The following JAKMIP1 variants were observed in gnomAD, a reference collection of about 807,000 sequenced individuals.
JAKMIP1 encodes janus kinase and microtubule interacting protein 1, also known as janus kinase and microtubule-interacting protein 1.
JAKMIP1 carries 33 observed loss-of-function variants against 113.0 expected under a neutral mutation model. The ratio of observed to expected loss-of-function variants is 0.29; its 90% CI spans 0.22 to 0.39. The LOEUF (loss-of-function observed/expected upper bound fraction) is 0.39, where lower values mean the gene tolerates loss of function less well. JAKMIP1 is among the 10% of genes least tolerant of loss of function. The probability of loss-of-function intolerance (pLI) is 1.00; values close to 1 mark genes in which losing one functional copy is unlikely to be tolerated. For missense variants in JAKMIP1, 813 were observed against 1,080.5 expected (o/e 0.75, Z 3.47); for synonymous variants, 480 against 459.9 (o/e 1.04, Z -0.56).
intron 3 of JAKMIP1, among the ~76,000 whole-genome samples, chr4:6,098,260 G>C (rs1290419930): frequency 6.6e-6 from 1 of 152,136 alleles, no homozygotes. Context: ...GCGAAGCCCT[G>C]TCTCTACTAA....
chr4:6,107,599 C>T (rs999008635), intron 2 of JAKMIP1, among the ~76,000 whole-genome samples: 4 of 152,240 alleles, frequency 2.6e-5, no homozygotes, highest in Admixed American at 1.3e-4. Context: ...GAAGAAGGAA[C>T]TCTGCCTCCC....
At chr4:6,071,631 T>C (rs1465694190) in intron 8 of JAKMIP1, among the ~76,000 whole-genome samples, 1 of 152,222 alleles carries the variant, frequency 6.6e-6, no homozygotes, top group African/African-American at 2.4e-5. Flanking sequence ...TGGTGTTTGC[T>C]ACCCTGGACA....
At chr4:6,079,145 C>A (rs1379944443) in intron 7 of JAKMIP1, 147 bp from the exon 8 acceptor site, 5 of 727,388 alleles carry the variant, frequency 6.9e-6, no homozygotes, top group Admixed American at 2.2e-5. Flanking sequence ...GGCTGCTTCT[C>A]TGAACTGAGA....
At chr4:6,161,746 G>A (rs1722990677) in intron 1 of JAKMIP1, among the ~76,000 whole-genome samples, 1 of 152,008 alleles carries the variant, frequency 6.6e-6, no homozygotes. Flanking sequence ...GGTTTGAAAA[G>A]GTCCACTCTG....
At chr4:6,032,420 G>A (rs1159360619) in intron 19 of JAKMIP1, among the ~76,000 whole-genome samples, 3 of 152,130 alleles carry the variant, frequency 2.0e-5, no homozygotes, top group African/African-American at 7.2e-5. Context: ...GTTCACAGTT[G>A]AGCTCTGTTG....
In JAKMIP1 at chr4:6,136,285, A is replaced by G. The variant is rs901809197; in HGVS notation, c.-147-23288T>C. 9.2e-5 allele frequency among the ~76,000 whole-genome samples: 14 copies of G among 152,248 alleles called. No homozygotes were observed. Among genetic ancestry groups the G allele is most frequent in the African/African-American group, 2.6e-4 (11 of 41,562 alleles). On this transcript the variant is annotated intron_variant, in intron 1 of 20. Coordinates refer to ENST00000409021, the MANE Select transcript of JAKMIP1 (RefSeq NM_001099433.2). This position sits in a 1 kb window ranked among gnomAD's most constrained non-coding sequence, Gnocchi z 5.9. ...TAAATAACATGTACCAAAGTGCTTGACGTCTAAATGCAGGCATCTGTGAAT... is the reference window on the plus strand; with the variant it reads ...TAAATAACATGTACCAAAGTGCTTGGCGTCTAAATGCAGGCATCTGTGAAT...
chr4:6,146,249 A>G (rs1578378969), intron 1 of JAKMIP1, among the ~76,000 whole-genome samples: 3 of 128,324 alleles, frequency 2.3e-5, no homozygotes, highest in Non-Finnish European at 3.4e-5. Context: ...TTGCGGGGGG[A>G]TGAGGAATTG....
chr4:6,163,233 G>C (rs557335067), intron 1 of JAKMIP1, among the ~76,000 whole-genome samples: 3 of 152,214 alleles, frequency 2.0e-5, no homozygotes, highest in Non-Finnish European at 4.4e-5. Flanking sequence ...GAAGGGTTGT[G>C]GCAACCCTGT....
chr4:6,041,917 C>G (rs551437296), intron 17 of JAKMIP1, among the ~76,000 whole-genome samples: 1 of 152,300 alleles, frequency 6.6e-6, no homozygotes, highest in East Asian at 1.9e-4. Flanking sequence ...TACTAAGCCT[C>G]TAATCCTGCC....
intron 3 of JAKMIP1, among the ~76,000 whole-genome samples, chr4:6,095,653 ACACAC>A (rs1303348615): frequency 6.6e-6 from 1 of 152,236 alleles, no homozygotes; most frequent in Non-Finnish European, 1.5e-5. Context: ...CTGGCAGAAC[ACACAC>A]GGTGCCATCT....
chr4:6,172,868 G>A (rs1362199471), intron 1 of JAKMIP1, among the ~76,000 whole-genome samples: 2 of 152,112 alleles, frequency 1.3e-5, no homozygotes, highest in Non-Finnish European at 2.9e-5. Context: ...CGAGTGCAGA[G>A]GGTGAAACAG....
At chr4:6,087,029 T>C (rs1721402194) in intron 3 of JAKMIP1, among the ~76,000 whole-genome samples, 2 of 152,188 alleles carry the variant, frequency 1.3e-5, no homozygotes, top group Admixed American at 6.5e-5. Context: ...ATTTCTGTCA[T>C]GTTAAGCCAT....
At chr4:6,144,765 G>A (rs1720618853) in intron 1 of JAKMIP1, among the ~76,000 whole-genome samples, 1 of 152,156 alleles carries the variant, frequency 6.6e-6, no homozygotes, top group South Asian at 2.1e-4. Flanking sequence ...AAACCCCACA[G>A]CTAACATCAC....
chr4:6,126,185 A>G (rs961254736), intron 1 of JAKMIP1, among the ~76,000 whole-genome samples: 6 of 149,964 alleles, frequency 4.0e-5, no homozygotes, highest in African/African-American at 1.2e-4. Context: ...CACACCATGC[A>G]GAAACACACA....
In JAKMIP1 at chr4:6,116,468, C is replaced by T. The variant is rs1029375800; in HGVS notation, c.-147-3471G>A. Reference sequence around the variant, plus strand: ...CTCAGGACACACAGGAGGCGGAGTCCTCAGAGAAGGCTCCTTCCTGAAGGC... The same window carrying T: ...CTCAGGACACACAGGAGGCGGAGTCTTCAGAGAAGGCTCCTTCCTGAAGGC... On this transcript the variant is annotated intron_variant, in intron 1 of 20. Coordinates refer to ENST00000409021, the MANE Select transcript of JAKMIP1 (RefSeq NM_001099433.2). This position sits in a 1 kb window ranked among gnomAD's most constrained non-coding sequence, Gnocchi z 5.1. Among the ~76,000 whole-genome samples, 2 of 152,136 alleles carry T rather than the reference C, an allele frequency of 1.3e-5. No individual in the cohort carries two copies. Among genetic ancestry groups the T allele is most frequent in the African/African-American group, 4.8e-5 (2 of 41,432 alleles).
chr4:6,085,705 C>T (rs928543497), intron 3 of JAKMIP1, 76 bp from the exon 4 acceptor site: 25 of 1,376,938 alleles, frequency 1.8e-5, no homozygotes, highest in African/African-American at 2.9e-5. Flanking sequence ...TTGGGGCCTT[C>T]GGCCCAGGGA....
chr4:6,107,468 A>G (rs1714145925), intron 2 of JAKMIP1, among the ~76,000 whole-genome samples: 1 of 152,178 alleles, frequency 6.6e-6, no homozygotes, highest in South Asian at 2.1e-4. Context: ...GTGAAGGTAC[A>G]TTTTATAAGA....
intron 3 of JAKMIP1, among the ~76,000 whole-genome samples, chr4:6,098,251 C>T (rs979564892): frequency 1.3e-5 from 2 of 152,064 alleles, no homozygotes; most frequent in Admixed American, 6.5e-5. Context: ...GCCAACATGG[C>T]GAAGCCCTGT....
intron 8 of JAKMIP1, among the ~76,000 whole-genome samples, chr4:6,066,988 C>T (rs1718192117): frequency 6.6e-6 from 1 of 152,152 alleles, no homozygotes. Context: ...CCTAGATTCC[C>T]TTAGGTCTCT....
Sources: allele counts gnomAD v4.1 joint callset (sites outside exome capture counted in the v4.1 genomes callset), GRCh38; gene constraint gnomAD v4.1.1; non-coding constraint Gnocchi (gnomAD v3.1); transcripts MANE v1.5; gene names NCBI Gene and HGNC (gene_info 2026-07-23, HGNC 2026-07-21).